Variants in GIGYF2 observed in about 807,000 individuals in gnomAD.
The protein encoded by GIGYF2 is GRB10-interacting GYF protein 2.
In GIGYF2, 25 loss-of-function variants were observed where a neutral mutation model predicts 208.1. The ratio of observed to expected loss-of-function variants is 0.12; its 90% CI spans 0.09 to 0.17. The LOEUF is 0.17. Ranked by LOEUF, GIGYF2 falls within the 10% of genes least tolerant of loss-of-function variation. The pLI, the probability that GIGYF2 is intolerant of heterozygous loss-of-function variation, is 1.00. For missense variants in GIGYF2, 1,302 were observed against 1,579.4 expected, an observed-to-expected ratio of 0.82 and a Z score of 2.98; for synonymous variants, 534 against 543.8, an observed-to-expected ratio of 0.98 and a Z score of 0.25.
chr2:232,842,043 T>A (rs905925727), intron 23 of GIGYF2, among the ~76,000 whole-genome samples: 1 of 152,200 alleles, frequency 6.6e-6, no homozygotes, highest in African/African-American at 2.4e-5. Flanking sequence ...TGTCACTGCA[T>A]TACCTGGGCT....
chr2:232,740,404 C>G (rs1185568977), intron 3 of GIGYF2, among the ~76,000 whole-genome samples: 1 of 152,142 alleles, frequency 6.6e-6, no homozygotes, highest in Non-Finnish European at 1.5e-5. Context: ...CAAGAAAGCT[C>G]CTTTGGGAGT....
chr2:232,720,321 C>T (rs1696877286), intron 2 of GIGYF2, among the ~76,000 whole-genome samples: 1 of 152,126 alleles, frequency 6.6e-6, no homozygotes, highest in African/African-American at 2.4e-5. Context: ...ATATATGCCA[C>T]ATTTTCTTAA....
chr2:232,807,019 A>G (rs1382782512), intron 15 of GIGYF2, among the ~76,000 whole-genome samples: 1 of 152,076 alleles, frequency 6.6e-6, no homozygotes, highest in Non-Finnish European at 1.5e-5. Context: ...TTTTACCTTT[A>G]TCTGCTAGGC....
chr2:232,768,826 T>G lies in GIGYF2; in HGVS notation c.532+7390T>G, dbSNP rs773338391. Reference sequence around the variant, plus strand: ...GCCACAAAAGCACCTAAATAAGAAATTATTGATTTTTTTTTAGAATGAAGA... The same window carrying G: ...GCCACAAAAGCACCTAAATAAGAAAGTATTGATTTTTTTTTAGAATGAAGA... On this transcript the variant is annotated intron_variant, in intron 8 of 28. Transcript: ENST00000373563. 2 of 1,597,248 alleles carry G rather than the reference T, an allele frequency of 1.3e-6. No homozygotes were observed. The highest frequency in any genetic ancestry group is 4.5e-5 in the East Asian group (2 of 44,468).
At chr2:232,719,284 A>G (rs1696837215) in intron 2 of GIGYF2, among the ~76,000 whole-genome samples, 1 of 152,238 alleles carries the variant, frequency 6.6e-6, no homozygotes, top group Non-Finnish European at 1.5e-5. Context: ...GTCAAAGTTA[A>G]GTATCAGACA....
At chr2:232,841,787 A>G (rs574288796) in intron 23 of GIGYF2, among the ~76,000 whole-genome samples, 8 of 152,140 alleles carry the variant, frequency 5.3e-5, no homozygotes, top group African/African-American at 1.9e-4. Flanking sequence ...ACCTGTTCCA[A>G]TCAGGACACT....
At chr2:232,808,939 A>C (rs968594330) in intron 15 of GIGYF2, among the ~76,000 whole-genome samples, 6 of 152,138 alleles carry the variant, frequency 3.9e-5, no homozygotes, top group Non-Finnish European at 7.4e-5. Context: ...ATACATATAT[A>C]CATACATATA....
chr2:232,846,429 G>GTCTCCCA (rs972257097), intron 26 of GIGYF2, among the ~76,000 whole-genome samples: 8 of 152,024 alleles, frequency 5.3e-5, no homozygotes, highest in African/African-American at 1.9e-4. Flanking sequence ...AAACAGAACT[G>GTCTCCCA]TCTCCCATCC....
intron 15 of GIGYF2, among the ~76,000 whole-genome samples, chr2:232,808,740 T>C (rs1440450757): frequency 6.6e-6 from 1 of 152,174 alleles, no homozygotes; most frequent in Non-Finnish European, 1.5e-5. Flanking sequence ...ATCTTATACT[T>C]CATGTTTCTT....
intron 2 of GIGYF2, among the ~76,000 whole-genome samples, chr2:232,716,175 G>A (rs1405612552): frequency 6.6e-6 from 1 of 151,902 alleles, no homozygotes; most frequent in Non-Finnish European, 1.5e-5. Flanking sequence ...ACTATTATAA[G>A]TAATGTGGGT....
intron 8 of GIGYF2, among the ~76,000 whole-genome samples, chr2:232,783,907 C>T (rs1389586962): frequency 2.0e-5 from 3 of 152,086 alleles, no homozygotes; most frequent in Non-Finnish European, 2.9e-5. Flanking sequence ...AGGCTGGTCT[C>T]GAACTTCTGA....
At chr2:232,836,383 AATATATATAAATATAAAT>A in intron 22 of GIGYF2, among the ~76,000 whole-genome samples, 1 of 42,682 alleles carries the variant, frequency 2.3e-5, no homozygotes, top group South Asian at 4.9e-4. Context: ...TATAAATATA[AATATATATAAATATAAAT>A]ATATATATAA....
intron 2 of GIGYF2, among the ~76,000 whole-genome samples, chr2:232,711,707 A>ATATATATATATATATATATATATG (rs1696416207): frequency 1.5e-5 from 2 of 134,350 alleles, no homozygotes; most frequent in African/African-American, 6.3e-5. Flanking sequence ...ACAATGATGT[A>ATATATATATATATATATATATATG]TATATATATA....
At chr2:232,833,237 A>T (rs2106409474) in intron 22 of GIGYF2, 144 bp downstream of exon 22, 1 of 338,582 alleles carries the variant, frequency 3.0e-6, no homozygotes, top group East Asian at 5.8e-5. Flanking sequence ...TATTTTTGAG[A>T]CTGGGTCTCA....
intron 25 of GIGYF2, among the ~76,000 whole-genome samples, chr2:232,845,130 C>A (rs1401254305): frequency 6.6e-6 from 1 of 152,124 alleles, no homozygotes; most frequent in Non-Finnish European, 1.5e-5. Flanking sequence ...CAAGAGGGAA[C>A]CTCTTTGGGC....
At position 232,766,773 on chromosome 2, in the gene GIGYF2, C is replaced by T. The variant is rs1698980374; in HGVS notation, c.532+5337C>T. ...ACTTGCTGCTGAGCCCTGCTCTTCA[C>T]ACCTGCTTGCCTTTACTCAGCTAGT... On this transcript the variant is annotated intron_variant, in intron 8 of 28. Coordinates refer to ENST00000373563, the MANE Select transcript of GIGYF2 (RefSeq NM_001103146.3). 3 of 152,228 alleles carry T rather than the reference C, an allele frequency of 2.0e-5. 1 individual carries two copies. In the South Asian group the frequency reaches 6.2e-4, roughly 31 times the overall value. The allele number at this position is 152,228 out of a possible 1,614,324, so 9.4% of individuals were successfully genotyped here.
chr2:232,791,053 C>T lies in GIGYF2; in HGVS notation c.976C>T (p.Arg326Trp), dbSNP rs779141474. ...PIPEEQEMDFRPVDEGEECSD... is the reference protein window; with the variant it reads ...PIPEEQEMDFWPVDEGEECSD... ...TCCAGAAGAGCAGGAGATGGACTTC[C>T]GGCCTGTGGACGAAGGGGAGGAGTG... The change falls in exon 11 of 29, where the codon CGG becomes TGG. Residue 326 changes from arginine to tryptophan, a missense_variant. Arg to Trp is a moderately radical substitution (Grantham distance 101). Coordinates refer to ENST00000373563, the MANE Select transcript of GIGYF2 (RefSeq NM_001103146.3). 23 of 1,613,788 alleles carry T rather than the reference C, an allele frequency of 1.4e-5. No homozygotes were observed. The highest frequency in any genetic ancestry group is 3.3e-5 in the Admixed American group (2 of 59,980).
chr2:232,783,325 T>C (rs1699782022), intron 8 of GIGYF2, among the ~76,000 whole-genome samples: 1 of 152,222 alleles, frequency 6.6e-6, no homozygotes, highest in Non-Finnish European at 1.5e-5. Flanking sequence ...AGACCTGGTT[T>C]CAGATTCTGG....
Position 232,859,498 on chromosome 2 carries a change from A to G in GIGYF2, c.*2638A>G, listed in dbSNP as rs1690698038. 6.6e-6 allele frequency: 1 copy of G among 152,166 alleles called. No homozygotes were observed. Among genetic ancestry groups the G allele is most frequent in the Non-Finnish European group, 1.5e-5 (1 of 68,078 alleles). 9.4% of individuals were successfully genotyped at this position (152,166 alleles called of 1,614,324 possible). On this transcript the variant is annotated 3_prime_UTR_variant, in exon 29 of 29. Coordinates refer to ENST00000373563, the MANE Select transcript of GIGYF2 (RefSeq NM_001103146.3). ...ACATCCCAGACAAGACAGTTTGATT[A>G]TGGAGACTGTCCCCAAGCAGATTGG...
Sources: gnomAD v4.1 joint callset for allele counts (sites outside exome capture counted in the v4.1 genomes callset) on GRCh38, gnomAD v4.1.1 for gene constraint, MANE v1.5 for transcripts, NCBI Gene and HGNC (gene_info 2026-07-23, HGNC 2026-07-21) for gene names.